EML6: variants seen among roughly 807,000 people sequenced by gnomAD.
EML6 encodes the protein echinoderm microtubule-associated protein-like 6.
Under a neutral mutation model 240.1 loss-of-function variants are expected in EML6, and 154 were observed. That is an observed-to-expected ratio of 0.64 (90% CI 0.56 to 0.73). The LOEUF (loss-of-function observed/expected upper bound fraction) is 0.73, where lower values mean the gene tolerates loss of function less well. EML6 is among the 30% of genes least tolerant of loss of function. The probability of loss-of-function intolerance (pLI) is 0.00; values close to 1 mark genes in which losing one functional copy is unlikely to be tolerated. For missense variants in EML6, 2,964 were observed against 2,474.6 expected, an observed-to-expected ratio of 1.20 and a Z score of -4.20; for synonymous variants, 1,148 against 899.0, an observed-to-expected ratio of 1.28 and a Z score of -4.95.
chr2:54,800,260 C>G (rs1434053659), intron 2 of EML6, among the ~76,000 whole-genome samples: 1 of 152,056 alleles, frequency 6.6e-6, no homozygotes, highest in Non-Finnish European at 1.5e-5. Context: ...TTTGTTTGCT[C>G]TGGAGGAGTT....
At chr2:54,802,561 G>A (rs964833923) in intron 2 of EML6, among the ~76,000 whole-genome samples, 1 of 151,752 alleles carries the variant, frequency 6.6e-6, no homozygotes, top group Non-Finnish European at 1.5e-5. Context: ...TGGGAAGGTC[G>A]AGGCTGTCAT....
chr2:54,818,417 C>T (rs1003845381), intron 4 of EML6, among the ~76,000 whole-genome samples: 1 of 152,178 alleles, frequency 6.6e-6, no homozygotes, highest in Admixed American at 6.5e-5. Context: ...CAGCTTCAGC[C>T]AATGGCAGGC....
At chr2:54,935,665 A>G (rs970924998) in intron 28 of EML6, among the ~76,000 whole-genome samples, 1 of 152,208 alleles carries the variant, frequency 6.6e-6, no homozygotes, top group Non-Finnish European at 1.5e-5. Context: ...TACTTTTAAA[A>G]ATTGTAGTCT....
chr2:54,939,418 A>G (rs894195600), intron 28 of EML6, among the ~76,000 whole-genome samples: 5 of 151,600 alleles, frequency 3.3e-5, no homozygotes, highest in East Asian at 1.9e-4. Flanking sequence ...GGATCAGGCA[A>G]CTCTCCTTTC....
At chr2:54,769,352 C>T (rs773456825) in intron 2 of EML6, among the ~76,000 whole-genome samples, 2 of 152,164 alleles carry the variant, frequency 1.3e-5, no homozygotes, top group East Asian at 3.9e-4. Context: ...CCTAGAGAAG[C>T]AGATTTTAAT....
intron 2 of EML6, among the ~76,000 whole-genome samples, chr2:54,728,647 A>G (rs1275187445): frequency 1.3e-5 from 2 of 152,194 alleles, no homozygotes; most frequent in African/African-American, 4.8e-5. Flanking sequence ...ACTATTAGAA[A>G]AAAATGTATG....
intron 38 of EML6, among the ~76,000 whole-genome samples, chr2:54,966,269 C>CT (rs1265522879): frequency 6.6e-6 from 1 of 152,220 alleles, no homozygotes; most frequent in Non-Finnish European, 1.5e-5. Flanking sequence ...AAGCTGAGGT[C>CT]TGCAGGGTGT....
chr2:54,956,661 C>G (rs1401795807), intron 32 of EML6, among the ~76,000 whole-genome samples: 1 of 152,108 alleles, frequency 6.6e-6, no homozygotes, highest in Non-Finnish European at 1.5e-5. Context: ...GAAAGAGATT[C>G]TGTTAGGGAG....
intron 36 of EML6, among the ~76,000 whole-genome samples, 198 bp downstream of exon 36, chr2:54,962,909 C>T (rs1676586831): frequency 6.6e-6 from 1 of 152,186 alleles, no homozygotes; most frequent in Non-Finnish European, 1.5e-5. Context: ...AAGGATTATT[C>T]TGTTGTCATG....
intron 28 of EML6, among the ~76,000 whole-genome samples, chr2:54,940,832 A>G (rs1443852537): frequency 1.3e-5 from 2 of 152,236 alleles, no homozygotes; most frequent in Non-Finnish European, 2.9e-5. Context: ...TTCAGGAATT[A>G]CAATGTTTGT....
chr2:54,950,911 C>G (rs754583791), intron 30 of EML6, 132 bp downstream of exon 30: 2 of 977,292 alleles, frequency 2.0e-6, no homozygotes, highest in Non-Finnish European at 3.0e-6. Flanking sequence ...CCAGCATGGT[C>G]TCAGTTAGGC....
intron 2 of EML6, among the ~76,000 whole-genome samples, chr2:54,796,748 TTG>T (rs1669802427): frequency 6.6e-6 from 1 of 152,054 alleles, no homozygotes; most frequent in Non-Finnish European, 1.5e-5. Context: ...GGAGAAAATG[TTG>T]TGTTTCTTGT....
intron 12 of EML6, 54 bp from the exon 13 acceptor site, chr2:54,863,729 G>T: frequency 1.2e-6 from 1 of 848,514 alleles, no homozygotes; most frequent in South Asian, 1.6e-5. Context: ...GATAATTTCA[G>T]TTGCTCAGAG....
intron 2 of EML6, among the ~76,000 whole-genome samples, chr2:54,752,785 C>T (rs991387715): frequency 6.6e-6 from 1 of 152,092 alleles, no homozygotes; most frequent in Admixed American, 6.5e-5. Context: ...ATAAATAATG[C>T]TTCTTTTTAA....
At chr2:54,948,501 A>C (rs1221854469) in intron 28 of EML6, among the ~76,000 whole-genome samples, 1 of 152,226 alleles carries the variant, frequency 6.6e-6, no homozygotes, top group Non-Finnish European at 1.5e-5. Context: ...GAAAAAGGTC[A>C]GCAAGTCCAG....
At chr2:54,931,672 T>C (rs1344159114) in intron 28 of EML6, among the ~76,000 whole-genome samples, 2 of 152,200 alleles carry the variant, frequency 1.3e-5, no homozygotes, top group African/African-American at 4.8e-5. Flanking sequence ...TGGGTGCTTT[T>C]TCTAAACACT....
chr2:54,823,016 C>T (rs1231322603), intron 5 of EML6, among the ~76,000 whole-genome samples: 1 of 152,134 alleles, frequency 6.6e-6, no homozygotes, highest in Non-Finnish European at 1.5e-5. Context: ...TTAGCAGCAG[C>T]TGGAGGCTCC....
intron 2 of EML6, among the ~76,000 whole-genome samples, chr2:54,749,524 T>C (rs1002287064): frequency 6.6e-5 from 10 of 152,134 alleles, no homozygotes; most frequent in Non-Finnish European, 1.5e-4. Context: ...CATTTTATAA[T>C]GTGTACCTTA....
chr2:54,841,377 G>A (rs1302824538), intron 7 of EML6, among the ~76,000 whole-genome samples: 2 of 152,204 alleles, frequency 1.3e-5, no homozygotes, highest in African/African-American at 4.8e-5. Context: ...TGAATTCAGA[G>A]GAAGGAGTAA....
Sources: allele counts gnomAD v4.1 joint callset (sites outside exome capture counted in the v4.1 genomes callset), GRCh38; gene constraint gnomAD v4.1.1; transcripts MANE v1.5; gene names NCBI Gene and HGNC (gene_info 2026-07-23, HGNC 2026-07-21).